ATP8A2: variants seen among roughly 807,000 people sequenced by gnomAD.
The protein encoded by ATP8A2 is phospholipid-transporting ATPase IB.
In ATP8A2, 100 loss-of-function variants were observed where a neutral mutation model predicts 165.6. That is an observed-to-expected ratio of 0.60 (90% confidence interval 0.51 to 0.71). The LOEUF is 0.71. Ranked by LOEUF, ATP8A2 falls within the 30% of genes least tolerant of loss-of-function variation. The pLI is 0.00. For synonymous variants in ATP8A2, 543 were observed against 548.8 expected (o/e 0.99, Z 0.15); for missense variants, 1,227 against 1,479.5 (o/e 0.83, Z 2.80).
At chr13:25,936,856 C>A (rs1450012417) in intron 33 of ATP8A2, among the ~76,000 whole-genome samples, 12 of 152,210 alleles carry the variant, frequency 7.9e-5, no homozygotes, top group Admixed American at 7.9e-4. Context: ...CTGTCCAAGA[C>A]ACTCTCAGAG....
intron 33 of ATP8A2, among the ~76,000 whole-genome samples, chr13:25,862,671 A>G (rs1952393123): frequency 6.6e-6 from 1 of 152,238 alleles, no homozygotes; most frequent in South Asian, 2.1e-4. Context: ...TGGCATGCCC[A>G]CATTTCCATA....
At chr13:25,502,504 A>G (rs2036885886) in intron 2 of ATP8A2, among the ~76,000 whole-genome samples, 1 of 152,216 alleles carries the variant, frequency 6.6e-6, no homozygotes, top group Non-Finnish European at 1.5e-5. Context: ...ACCCAATGAA[A>G]GTGATTCAGA....
chr13:25,540,631 C>T (rs993323289), intron 8 of ATP8A2, among the ~76,000 whole-genome samples: 14 of 152,138 alleles, frequency 9.2e-5, no homozygotes, highest in Non-Finnish European at 1.6e-4. Context: ...ATTGAGTTCT[C>T]TGCCTGTGAT....
rs866445403 is a variant in ATP8A2 at position 25,581,893 on chromosome 13, G to T, written c.2082G>T (p.Leu694=). 2 of 1,613,818 alleles carry T rather than the reference G, an allele frequency of 1.2e-6. No homozygotes were observed. The highest frequency in any genetic ancestry group is 3.3e-4 in the Middle Eastern group (2 of 6,062). ...QAGVPETIAT[L]LKAEIKIWVL... ...GAGTTCCAGAAACCATCGCAACACT[G>T]TTGAAGGCAGAAATTAAAATATGGG... Residue 694 remains leucine (L), a synonymous_variant, in exon 23 of 37, where the codon CTG becomes CTT. Coordinates refer to ENST00000381655, the MANE Select transcript of ATP8A2 (RefSeq NM_016529.6).
intron 25 of ATP8A2, among the ~76,000 whole-genome samples, chr13:25,736,054 C>CT (rs2043761306): frequency 6.6e-6 from 1 of 152,208 alleles, no homozygotes; most frequent in South Asian, 2.1e-4. Context: ...CATTGTGTTA[C>CT]AATTGCCTAC....
chr13:25,669,538 A>G (rs1385530347), intron 24 of ATP8A2, among the ~76,000 whole-genome samples: 1 of 152,134 alleles, frequency 6.6e-6, no homozygotes, highest in Non-Finnish European at 1.5e-5. Flanking sequence ...GGGCAAACCT[A>G]TGGTCCTCTC....
At chr13:25,811,902 C>G (rs773070910) in intron 27 of ATP8A2, among the ~76,000 whole-genome samples, 1 of 152,112 alleles carries the variant, frequency 6.6e-6, no homozygotes, top group African/African-American at 2.4e-5. Flanking sequence ...GTCTTCATAT[C>G]TCTGAATATG....
chr13:25,421,881 T>C (rs1383993637), intron 1 of ATP8A2, among the ~76,000 whole-genome samples: 3 of 152,246 alleles, frequency 2.0e-5, no homozygotes, highest in East Asian at 3.8e-4. Flanking sequence ...CAACATCAGA[T>C]GAAAGTTCTC....
intron 13 of ATP8A2, among the ~76,000 whole-genome samples, chr13:25,556,926 G>A (rs934698105): frequency 6.6e-6 from 1 of 152,148 alleles, no homozygotes; most frequent in Non-Finnish European, 1.5e-5. Context: ...AAATGCAGGC[G>A]ACATGGCTCA....
intron 24 of ATP8A2, among the ~76,000 whole-genome samples, chr13:25,635,958 G>A (rs1011422770): frequency 6.6e-6 from 1 of 152,112 alleles, no homozygotes; most frequent in African/African-American, 2.4e-5. Context: ...CCTGTTCTGC[G>A]GGGATTCACT....
At chr13:25,646,875 C>T (rs1029832684) in intron 24 of ATP8A2, among the ~76,000 whole-genome samples, 6 of 152,002 alleles carry the variant, frequency 3.9e-5, no homozygotes, top group African/African-American at 1.4e-4. Flanking sequence ...GCTTTGAATC[C>T]ATTCTATTTT....
intron 1 of ATP8A2, among the ~76,000 whole-genome samples, chr13:25,424,427 A>C (rs7986908): frequency 0.42 from 63,429 of 151,910 alleles, 14,277 homozygotes; most frequent in East Asian, 0.59. Context: ...CCAATATAGG[A>C]GGAAGTTAAT....
intron 1 of ATP8A2, among the ~76,000 whole-genome samples, chr13:25,391,796 G>A (rs998856752): frequency 1.3e-5 from 2 of 152,234 alleles, no homozygotes; most frequent in African/African-American, 4.8e-5. Context: ...GAAGGCCACA[G>A]TGGGGACTCT....
intron 33 of ATP8A2, chr13:25,944,683 A>G (rs1955160839): frequency 6.6e-6 from 1 of 151,186 alleles, no homozygotes; most frequent in South Asian, 2.1e-4. Context: ...TCAGGTCAAA[A>G]CTACTGTGCT....
chr13:25,933,261 G>T (rs190242521), intron 33 of ATP8A2, among the ~76,000 whole-genome samples: 13 of 152,204 alleles, frequency 8.5e-5, no homozygotes, highest in Middle Eastern at 3.4e-3. Context: ...TTTCTGCCTC[G>T]CTTGGCGGGG....
intron 24 of ATP8A2, among the ~76,000 whole-genome samples, chr13:25,600,882 G>A (rs1404487993): frequency 6.6e-6 from 1 of 152,144 alleles, no homozygotes; most frequent in Non-Finnish European, 1.5e-5. Context: ...TCTAGCACCA[G>A]CTCACCTGTA....
chr13:25,949,629 G>A (rs1411224774), intron 33 of ATP8A2, among the ~76,000 whole-genome samples: 2 of 152,152 alleles, frequency 1.3e-5, no homozygotes, highest in Admixed American at 6.5e-5. Context: ...TCTCACCTCT[G>A]CCAGAGAAGA....
intron 24 of ATP8A2, among the ~76,000 whole-genome samples, chr13:25,637,730 G>A (rs1387525032): frequency 6.6e-6 from 1 of 152,164 alleles, no homozygotes; most frequent in Non-Finnish European, 1.5e-5. Context: ...AGACTTAAAT[G>A]TCCCTGTCTG....
chr13:25,432,652 T>C (rs550915545), intron 1 of ATP8A2, among the ~76,000 whole-genome samples: 21 of 144,694 alleles, frequency 1.5e-4, no homozygotes, highest in Admixed American at 1.3e-3. Context: ...GCCTGCTCAT[T>C]TTCTTCCTGT....
Sources: allele counts gnomAD v4.1 joint callset (sites outside exome capture counted in the v4.1 genomes callset), GRCh38; gene constraint gnomAD v4.1.1; transcripts MANE v1.5; gene names NCBI Gene and HGNC (gene_info 2026-07-23, HGNC 2026-07-21).